The following TACR3 variants were observed in gnomAD, a reference collection of about 807,000 sequenced individuals.
TACR3 encodes the protein neuromedin-K receptor.
A neutral mutation model predicts 35.0 loss-of-function variants in TACR3; 34 were observed. The ratio of observed to expected loss-of-function variants is 0.97; its 90% CI spans 0.74 to 1.30. TACR3 has a LOEUF of 1.30. Among genes scored for constraint, TACR3 ranks in the 50% most tolerant of loss-of-function variants. The pLI, the probability that TACR3 is intolerant of heterozygous loss-of-function variation, is 0.00. For synonymous variants in TACR3, 233 were observed against 221.1 expected (o/e 1.05, Z -0.48); for missense variants, 558 against 591.7 (o/e 0.94, Z 0.59).
chr4:103,699,082 C>T lies in TACR3; in HGVS notation c.548+20046G>A, dbSNP rs563939039. Reference sequence around the variant, plus strand: ...ATTATTCATTCATTTAGTTGATACACAAGTCAAACCTTGTTTTCATGGAAA... The same window carrying T: ...ATTATTCATTCATTTAGTTGATACATAAGTCAAACCTTGTTTTCATGGAAA... On this transcript the variant is annotated intron_variant, in intron 1 of 4. Coordinates refer to ENST00000304883, the MANE Select transcript of TACR3 (RefSeq NM_001059.3). 1.6e-4 allele frequency among the ~76,000 whole-genome samples: 25 copies of T among 152,248 alleles called. No individual in the cohort carries two copies. The South Asian group carries it at 5.2e-3, about 32-fold the overall frequency.
chr4:103,690,609 G>A (rs2110216584), intron 1 of TACR3, among the ~76,000 whole-genome samples: 1 of 152,188 alleles, frequency 6.6e-6, no homozygotes, highest in Admixed American at 6.5e-5. Context: ...TGTAAGAGAT[G>A]TGAACACCAT....
At chr4:103,707,739 G>A (rs114123264) in intron 1 of TACR3, among the ~76,000 whole-genome samples, 1 of 151,962 alleles carries the variant, frequency 6.6e-6, no homozygotes, top group African/African-American at 2.4e-5. Flanking sequence ...GGTCAGGGAA[G>A]TCCCTTTCCT....
rs545703069 is a variant in TACR3, at chr4:103,651,641, C to T, written c.888+4553G>A. 5.9e-5 allele frequency among the ~76,000 whole-genome samples: 9 copies of T among 151,712 alleles called. No homozygotes were observed. In the South Asian group the frequency reaches 1.9e-3, roughly 32 times the overall value. On this transcript the variant is annotated intron_variant, in intron 3 of 4. Coordinates refer to ENST00000304883, the MANE Select transcript of TACR3 (RefSeq NM_001059.3). ...AAAGTCCCCTTTACTTTTCCCTTAG[C>T]TTTTCTCAAGCAGAAGGTGTTTTTC...
intron 3 of TACR3, among the ~76,000 whole-genome samples, chr4:103,614,547 C>T (rs1486408101): frequency 2.0e-5 from 3 of 152,146 alleles, no homozygotes; most frequent in Admixed American, 6.6e-5. Flanking sequence ...TAGTGTACTG[C>T]AGTGCTAAGA....
intron 1 of TACR3, among the ~76,000 whole-genome samples, chr4:103,685,945 C>T (rs539869190): frequency 6.6e-6 from 1 of 152,214 alleles, no homozygotes; most frequent in African/African-American, 2.4e-5. Flanking sequence ...AGGGGGCTGA[C>T]TTTGTTTAGT....
At chr4:103,672,791 C>G (rs572147314) in intron 1 of TACR3, among the ~76,000 whole-genome samples, 41 of 152,314 alleles carry the variant, frequency 2.7e-4, no homozygotes, top group African/African-American at 8.7e-4. Flanking sequence ...TCCTCTCTAG[C>G]TATGAAAGTC....
At chr4:103,705,134 G>T (rs1722756311) in intron 1 of TACR3, among the ~76,000 whole-genome samples, 1 of 151,880 alleles carries the variant, frequency 6.6e-6, no homozygotes. Context: ...ATTAAATCCT[G>T]AGTAGAAAAA....
intron 3 of TACR3, among the ~76,000 whole-genome samples, chr4:103,593,945 T>C (rs2110284493): frequency 6.6e-6 from 1 of 152,288 alleles, no homozygotes; most frequent in South Asian, 2.1e-4. Context: ...AGACTGGACT[T>C]CATACATAAA....
intron 1 of TACR3, among the ~76,000 whole-genome samples, chr4:103,694,848 A>G (rs1722487593): frequency 6.6e-6 from 1 of 152,146 alleles, no homozygotes; most frequent in African/African-American, 2.4e-5. Context: ...GATGAAAGGG[A>G]TCAATTCACA....
intron 1 of TACR3, among the ~76,000 whole-genome samples, chr4:103,664,588 A>G (rs997943433): frequency 6.6e-6 from 1 of 152,172 alleles, no homozygotes; most frequent in Non-Finnish European, 1.5e-5. Flanking sequence ...TAGTCTGTTA[A>G]GTCCCAAACA....
intron 1 of TACR3, among the ~76,000 whole-genome samples, chr4:103,685,513 T>A (rs560595709): frequency 2.6e-5 from 4 of 152,270 alleles, no homozygotes; most frequent in African/African-American, 9.6e-5. Context: ...GATAAATTAA[T>A]CTTTATCAAA....
intron 3 of TACR3, among the ~76,000 whole-genome samples, chr4:103,632,259 C>A (rs1725083773): frequency 6.6e-6 from 1 of 152,110 alleles, no homozygotes; most frequent in Non-Finnish European, 1.5e-5. Context: ...TGATAGAAAT[C>A]TTGTCATTAT....
chr4:103,626,563 C>T (rs544576753), intron 3 of TACR3, among the ~76,000 whole-genome samples: 5 of 152,244 alleles, frequency 3.3e-5, no homozygotes, highest in Non-Finnish European at 7.4e-5. Flanking sequence ...CTTAAGCCTG[C>T]GTGTAGTCCT....
chr4:103,690,263 G>A (rs1239233877), intron 1 of TACR3, among the ~76,000 whole-genome samples: 1 of 152,100 alleles, frequency 6.6e-6, no homozygotes, highest in Non-Finnish European at 1.5e-5. Context: ...AAATACACAA[G>A]TATGTGGAAT....
chr4:103,657,218 G>GTTT (rs11445973), intron 2 of TACR3, among the ~76,000 whole-genome samples: 2 of 151,514 alleles, frequency 1.3e-5, no homozygotes, highest in African/African-American at 4.8e-5. Context: ...CCATACCAGT[G>GTTT]TTTTTTTTGT....
chr4:103,684,835 C>T (rs115726756), intron 1 of TACR3, among the ~76,000 whole-genome samples: 4,097 of 151,804 alleles, frequency 0.027, 198 homozygotes, highest in African/African-American at 0.094. Flanking sequence ...AAAAACCTGT[C>T]TCTATGAAAA....
chr4:103,653,928 C>CA (rs1163150736), intron 3 of TACR3, among the ~76,000 whole-genome samples: 1 of 151,746 alleles, frequency 6.6e-6, no homozygotes, highest in East Asian at 1.9e-4. Context: ...TTTATGCAGC[C>CA]AAAAAACACA....
intron 3 of TACR3, among the ~76,000 whole-genome samples, chr4:103,641,915 C>G (rs568926894): frequency 6.6e-6 from 1 of 151,812 alleles, no homozygotes; most frequent in Admixed American, 6.6e-5. Context: ...CATGCATAAT[C>G]TAAAAAATGT....
At chr4:103,680,218 T>C (rs1221636110) in intron 1 of TACR3, among the ~76,000 whole-genome samples, 1 of 151,524 alleles carries the variant, frequency 6.6e-6, no homozygotes, top group Non-Finnish European at 1.5e-5. Context: ...CCATATGAGC[T>C]TGGGTACTTT....
Sources: gnomAD v4.1 joint callset for allele counts (sites outside exome capture counted in the v4.1 genomes callset) on GRCh38, gnomAD v4.1.1 for gene constraint, MANE v1.5 for transcripts, NCBI Gene and HGNC (gene_info 2026-07-23, HGNC 2026-07-21) for gene names.